The following SS18L2 variants were observed in gnomAD, a reference collection of about 807,000 sequenced individuals.
The protein encoded by SS18L2 is SS18-like protein 2.
SS18L2 carries 8 observed loss-of-function variants against 10.3 expected under a neutral mutation model. The ratio of observed to expected loss-of-function variants is 0.78; its 90% confidence interval spans 0.46 to 1.41. The LOEUF (loss-of-function observed/expected upper bound fraction) is 1.41, where lower values mean the gene tolerates loss of function less well. SS18L2 is among the 40% of genes most tolerant of loss of function. The pLI is 0.00. For missense variants in SS18L2, 100 were observed against 96.2 expected, an observed-to-expected ratio of 1.04 and a Z score of -0.17; for synonymous variants, 41 against 34.6, an observed-to-expected ratio of 1.19 and a Z score of -0.65.
At chr3:42,593,373 C>T (rs1406162469) in intron 2 of SS18L2, among the ~76,000 whole-genome samples, 3 of 152,276 alleles carry the variant, frequency 2.0e-5, no homozygotes, top group Admixed American at 1.3e-4. Flanking sequence ...GCCAAGATCA[C>T]GCCACTGCAC....
Position 42,596,654 on chromosome 3 carries a change from G to A in SS18L2, c.*2145G>A, listed in dbSNP as rs527755072. Among the ~76,000 whole-genome samples the A allele has an allele frequency of 7.9e-5, 12 of 152,162 alleles. No individual in the cohort carries two copies. Among genetic ancestry groups the A allele is most frequent in the Non-Finnish European group, 1.8e-4 (12 of 68,030 alleles). ...CTTCACCTTAATCACAGACCAAATT[G>A]CATACTTTTATCTTCGAATCATCTA... On this transcript the variant is annotated 3_prime_UTR_variant, in exon 3 of 3. Coordinates refer to ENST00000011691, the MANE Select transcript of SS18L2 (RefSeq NM_001370300.1).
rs1019800928 is a variant in SS18L2 at position 42,591,093 on chromosome 3, G to A, written c.69+127G>A. Reference sequence around the variant, plus strand: ...CTGTGAAGGGTGCTGAGCAGCCGGGGTGCGGGGTGAGATGGGCACGAAATC... The same window carrying A: ...CTGTGAAGGGTGCTGAGCAGCCGGGATGCGGGGTGAGATGGGCACGAAATC... On this transcript the variant is annotated intron_variant, in intron 1 of 2. Coordinates refer to ENST00000011691, the MANE Select transcript of SS18L2 (RefSeq NM_001370300.1). 3.6e-6 allele frequency: 4 copies of A among 1,113,176 alleles called. No homozygotes were observed. In the African/African-American group the frequency reaches 4.6e-5, roughly 13 times the overall value. The allele number at this position is 1,113,176 out of a possible 1,614,324, so 69.0% of individuals were successfully genotyped here.
In SS18L2 at chr3:42,595,330, A is replaced by G. The variant is rs1704997042; in HGVS notation, c.*821A>G. On this transcript the variant is annotated 3_prime_UTR_variant, in exon 3 of 3. Coordinates refer to ENST00000011691, the MANE Select transcript of SS18L2 (RefSeq NM_001370300.1). ...GTTGAAATAACTAGGTGTTTACCCT[A>G]GAATTCTCTCGTGTTCTACATACAG... Among the ~76,000 whole-genome samples the G allele has an allele frequency of 6.6e-6, 1 of 152,216 alleles. No homozygotes were observed. The highest frequency in any genetic ancestry group is 6.6e-5 in the Admixed American group (1 of 15,266).
chr3:42,591,229 C>T lies in SS18L2; in HGVS notation c.69+263C>T, dbSNP rs796300548. On this transcript the variant is annotated intron_variant, in intron 1 of 2. Coordinates refer to ENST00000011691, the MANE Select transcript of SS18L2 (RefSeq NM_001370300.1). ...TTTTTTTTTTTTTTGAGACGGAGTCCCGCTCTGTCGCCCAGGCTGGAGTGC... is the reference window on the plus strand; with the variant it reads ...TTTTTTTTTTTTTTGAGACGGAGTCTCGCTCTGTCGCCCAGGCTGGAGTGC... The T allele has an allele frequency of 2.5e-4, 136 of 542,398 alleles. No individual in the cohort carries two copies. The African/African-American group carries it at 3.0e-3, about 12-fold the overall frequency. 33.6% of individuals were successfully genotyped at this position (542,398 alleles called of 1,614,324 possible). A position where few individuals can be genotyped will look rare whatever the true frequency, so the allele number is the denominator to read the frequency against.
chr3:42,591,521 T>G lies in SS18L2; in HGVS notation c.70-4T>G, dbSNP rs1704841053. ...ACTGACCCTTTCTTTCTCTGATCTT[T>G]CAGCTCCTTGAGGAGAATGACCAGC... On this transcript the variant is annotated splice_region_variant and splice_polypyrimidine_tract_variant and intron_variant, in intron 1 of 2. Coordinates refer to ENST00000011691, the MANE Select transcript of SS18L2 (RefSeq NM_001370300.1). 3 of 1,612,610 alleles carry G rather than the reference T, an allele frequency of 1.9e-6. No individual in the cohort carries two copies.
rs1271798242 is a variant in SS18L2, at chr3:42,595,583, T to C, written c.*1074T>C. On this transcript the variant is annotated 3_prime_UTR_variant, in exon 3 of 3. Coordinates refer to ENST00000011691, the MANE Select transcript of SS18L2 (RefSeq NM_001370300.1). ...CACCCAGCTTTGATGTGGTAATTCA[T>C]TAGGGATTACATAATGAGGATTTTC... 6.6e-6 allele frequency among the ~76,000 whole-genome samples: 1 copy of C among 152,242 alleles called. No individual in the cohort carries two copies. Among genetic ancestry groups the C allele is most frequent in the Non-Finnish European group, 1.5e-5 (1 of 68,034 alleles).
Position 42,590,877 on chromosome 3 carries a change from T to C in SS18L2, c.-21T>C. 6.2e-7 allele frequency: 1 copy of C among 1,607,536 alleles called. No homozygotes were observed. ...CGTGGGTCGAGTTGCTTGGCGGTCG[T>C]GGTTCCGGAGGTTCCTCGGGATGTC... On this transcript the variant is annotated 5_prime_UTR_variant, in exon 1 of 3. Coordinates refer to ENST00000011691, the MANE Select transcript of SS18L2 (RefSeq NM_001370300.1).
intron 2 of SS18L2, among the ~76,000 whole-genome samples, chr3:42,592,867 AC>A (rs200614123): frequency 5.3e-5 from 8 of 150,348 alleles, no homozygotes; most frequent in Admixed American, 4.0e-4. Context: ...GAAGAACTCT[AC>A]CCCCCCCACC....
In SS18L2 at chr3:42,595,713, C is replaced by T. The variant is rs913039882; in HGVS notation, c.*1204C>T. ...GCAAAGGGATTCTTGTAAGTATATC[C>T]AAAATTAGAAGCCCAGGTCCCTGCT... On this transcript the variant is annotated 3_prime_UTR_variant, in exon 3 of 3. Transcript: ENST00000011691. 2.0e-5 allele frequency among the ~76,000 whole-genome samples: 3 copies of T among 152,140 alleles called. No individual in the cohort carries two copies. The highest frequency in any genetic ancestry group is 4.4e-5 in the Non-Finnish European group (3 of 68,028).
upstream of SS18L2, among the ~76,000 whole-genome samples, chr3:42,590,091 GGT>G (rs2125739103): frequency 6.7e-6 from 1 of 149,156 alleles, no homozygotes; most frequent in South Asian, 2.2e-4. Flanking sequence ...TGCTTTTTAG[GGT>G]TGCCAACCTA....
intron 1 of SS18L2, among the ~76,000 whole-genome samples, chr3:42,583,191 G>T (rs1314924927): frequency 6.6e-6 from 1 of 152,232 alleles, no homozygotes; most frequent in Non-Finnish European, 1.5e-5. Context: ...GGCTGCTAAA[G>T]TGCAGATCAA....
chr3:42,591,601 A>C lies in SS18L2; in HGVS notation c.146A>C (p.Gln49Pro). The change falls in exon 2 of 3, where the codon CAG becomes CCG. Residue 49 changes from glutamine (Q) to proline (P), a missense_variant and splice_region_variant. Gln to Pro is a moderately conservative substitution (Grantham distance 76). Transcript: ENST00000011691. ...AAGGGCCGCGGGAACGAGTGCGTGC[A>C]GTAAGTACCCCCACCCCCGCGCCCC... ...QNKGRGNECV[Q>P]YQHVLHRNLI... The C allele has an allele frequency of 6.2e-7, 1 of 1,610,996 alleles. No homozygotes were observed. Among genetic ancestry groups the C allele is most frequent in the Non-Finnish European group, 8.5e-7 (1 of 1,177,122 alleles).
intron 1 of SS18L2, among the ~76,000 whole-genome samples, chr3:42,585,688 T>C (rs1276467255): frequency 2.6e-5 from 4 of 152,198 alleles, no homozygotes; most frequent in Non-Finnish European, 4.4e-5. Flanking sequence ...AGAAGGATAG[T>C]AACACCCATC....
upstream of SS18L2, among the ~76,000 whole-genome samples, chr3:42,588,457 T>C (rs1470016885): frequency 1.3e-5 from 2 of 152,144 alleles, no homozygotes; most frequent in Non-Finnish European, 2.9e-5. Flanking sequence ...AAAACATGTA[T>C]GTCCCAGTTC....
Position 42,596,702 on chromosome 3 carries a change from A to G in SS18L2, c.*2193A>G, listed in dbSNP as rs1705043297. Among the ~76,000 whole-genome samples, 1 of 152,222 alleles carries G rather than the reference A, an allele frequency of 6.6e-6. No individual in the cohort carries two copies. The highest frequency in any genetic ancestry group is 1.5e-5 in the Non-Finnish European group (1 of 68,044). Reference sequence around the variant, plus strand: ...CTAAAATATAATTTCAAATCACAAGACAGAATAAAATAATCTTTGAGAGAG... The same window carrying G: ...CTAAAATATAATTTCAAATCACAAGGCAGAATAAAATAATCTTTGAGAGAG... On this transcript the variant is annotated 3_prime_UTR_variant, in exon 3 of 3. Coordinates refer to ENST00000011691, the MANE Select transcript of SS18L2 (RefSeq NM_001370300.1).
At chr3:42,588,214 CA>C, upstream of SS18L2, among the ~76,000 whole-genome samples, 1 of 151,906 alleles carries the variant, frequency 6.6e-6, no homozygotes, top group East Asian at 1.9e-4. Flanking sequence ...CCAGCCTGGC[CA>C]ACATAGAGAA....
At chr3:42,581,998 A>C (rs1704405757) in intron 1 of SS18L2, 1 of 151,500 alleles carries the variant, frequency 6.6e-6, no homozygotes, top group South Asian at 2.1e-4. Flanking sequence ...GAGCCACCCC[A>C]CCTCCCCCCT....
At chr3:42,582,051 G>A (rs1013699000) in intron 1 of SS18L2, 5 of 152,390 alleles carry the variant, frequency 3.3e-5, no homozygotes, top group Admixed American at 3.3e-4. Flanking sequence ...CACCCAAACC[G>A]ACCAATCCCG....
chr3:42,582,056 A>C (rs983577426), intron 1 of SS18L2: 2 of 152,214 alleles, frequency 1.3e-5, no homozygotes, highest in African/African-American at 4.8e-5. Flanking sequence ...AAACCGACCA[A>C]TCCCGGCGCG....
Sources: gnomAD v4.1 joint callset for allele counts (sites outside exome capture counted in the v4.1 genomes callset) on GRCh38, gnomAD v4.1.1 for gene constraint, MANE v1.5 for transcripts, NCBI Gene and HGNC (gene_info 2026-07-23, HGNC 2026-07-21) for gene names.